CSF2RA: variants seen among roughly 807,000 people sequenced by gnomAD.
The protein encoded by CSF2RA is colony stimulating factor 2 receptor subunit alpha.
CSF2RA carries 42 observed loss-of-function variants against 51.6 expected under a neutral mutation model. That is an observed-to-expected ratio of 0.81 (90% CI 0.64 to 1.05). The LOEUF is 1.05. CSF2RA is among the 50% of genes least tolerant of loss of function. CSF2RA has a pLI of 0.00. For missense variants in CSF2RA, 530 were observed against 501.1 expected, an observed-to-expected ratio of 1.06 and a Z score of -0.55; for synonymous variants, 222 against 193.0, an observed-to-expected ratio of 1.15 and a Z score of -1.24.
At chrX:1,269,591 C>T (rs113739693) in intron 1 of CSF2RA, among the ~76,000 whole-genome samples, 21,814 of 149,168 alleles carry the variant, frequency 0.15, 1,971 homozygotes, top group East Asian at 0.26. Flanking sequence ...CCACTGCACT[C>T]CAGCCTGGGC....
chrX:1,277,466 C>T (rs1212163405), intron 2 of CSF2RA, among the ~76,000 whole-genome samples: 1 of 149,688 alleles, frequency 6.7e-6, no homozygotes, highest in African/African-American at 2.5e-5. Context: ...TGTGGTGGTG[C>T]GTGCCTGTAG....
chrX:1,287,424 T>G (rs1270451477), intron 4 of CSF2RA, among the ~76,000 whole-genome samples: 7 of 150,132 alleles, frequency 4.7e-5, no homozygotes, highest in Non-Finnish European at 4.4e-5. Context: ...AGTGCTGGCA[T>G]TACAGGTGTG....
At chrX:1,296,122 C>A (rs1302055756) in intron 9 of CSF2RA, among the ~76,000 whole-genome samples, 1 of 150,932 alleles carries the variant, frequency 6.6e-6, no homozygotes, top group South Asian at 2.1e-4. Flanking sequence ...CTAGCATAAA[C>A]CTACAGTCCC....
Position 1,301,109 on chromosome X carries a change from C to T in CSF2RA, c.946+483C>T, listed in dbSNP as rs773689215. On this transcript the variant is annotated intron_variant, in intron 10 of 12. Coordinates refer to ENST00000381529, the MANE Select transcript of CSF2RA (RefSeq NM_172245.4). Reference sequence around the variant, plus strand: ...CGGAGGTTGCACTGAGCTGGGATCACGCCATTGCACTCCAGCCTGGGTGAC... The same window carrying T: ...CGGAGGTTGCACTGAGCTGGGATCATGCCATTGCACTCCAGCCTGGGTGAC... Among the ~76,000 whole-genome samples the T allele has an allele frequency of 6.0e-5, 9 of 150,646 alleles. No individual in the cohort carries two copies. The East Asian group carries it at 9.8e-4, about 16-fold the overall frequency.
chrX:1,287,482 CG>C (rs1361128073), intron 4 of CSF2RA, among the ~76,000 whole-genome samples: 1 of 134,334 alleles, frequency 7.4e-6, no homozygotes, highest in African/African-American at 2.8e-5. Flanking sequence ...CTCGCTCTGT[CG>C]CCCAGGCTGG....
In CSF2RA at chrX:1,293,443, C is replaced by A. The variant is rs751923186; in HGVS notation, c.647-885C>A. On this transcript the variant is annotated intron_variant, in intron 7 of 12. Transcript: ENST00000381529. Reference sequence around the variant, plus strand: ...ACCGTGTTAGCCAGGATGGTCTCGACCTCCTGACCTCGTGATCCTCCCGCC... The same window carrying A: ...ACCGTGTTAGCCAGGATGGTCTCGAACTCCTGACCTCGTGATCCTCCCGCC... Among the ~76,000 whole-genome samples the A allele has an allele frequency of 1.5e-3, 229 of 152,218 alleles. 2 individuals are homozygous for A. Among genetic ancestry groups the A allele is most frequent in the African/African-American group, 5.1e-3 (213 of 41,522 alleles).
At chrX:1,293,195 A>C (rs1205888692) in intron 7 of CSF2RA, among the ~76,000 whole-genome samples, 1 of 145,024 alleles carries the variant, frequency 6.9e-6, no homozygotes, top group Non-Finnish European at 1.5e-5. Flanking sequence ...ACACAGTAAC[A>C]GTCTGATCTT....
intron 7 of CSF2RA, among the ~76,000 whole-genome samples, chrX:1,292,643 G>T (rs769307727): frequency 2.1e-4 from 32 of 152,234 alleles, no homozygotes; most frequent in African/African-American, 7.2e-4. Context: ...ACAAACATCA[G>T]TGTAGCAAAG....
chrX:1,289,436 T>A (rs1175338341), intron 6 of CSF2RA, among the ~76,000 whole-genome samples: 1 of 152,170 alleles, frequency 6.6e-6, no homozygotes, highest in Non-Finnish European at 1.5e-5. Context: ...GCCTGTTTTT[T>A]TGGTTGTTGT....
At position 1,290,363 on chromosome X, in the gene CSF2RA, A is replaced by G. The variant is rs761468019; in HGVS notation, c.500A>G (p.Tyr167Cys). ...SKRRREIRCP[Y>C]YIQDSGTHVG... ...AGAAGGAGGGAGATCCGGTGTCCTT[A>G]TTACATACAAGACTCAGGAACCCAT... is the stretch of plus-strand genomic sequence containing the variant. Residue 167 changes from tyrosine (Y) to cysteine (C), a missense_variant, in exon 7 of 13, where the codon TAT (tyrosine) becomes TGT (cysteine). By Grantham distance (194) the Tyr-to-Cys change is radical (BLOSUM62 -2). Coordinates refer to ENST00000381529, the MANE Select transcript of CSF2RA (RefSeq NM_172245.4). 3 of 1,613,462 alleles carry G rather than the reference A, an allele frequency of 1.9e-6. No individual in the cohort carries two copies. In the African/African-American group the frequency reaches 4.0e-5, roughly 22 times the overall value.
chrX:1,271,228 G>A (rs780972920), intron 1 of CSF2RA, among the ~76,000 whole-genome samples: 28,825 of 63,494 alleles, frequency 0.45, 7,699 homozygotes, highest in Middle Eastern at 0.59. Flanking sequence ...CGCGATCTCT[G>A]CTCACCGCAA....
chrX:1,298,267 CCTACA>C (rs2092107913), intron 9 of CSF2RA, among the ~76,000 whole-genome samples: 1 of 11,196 alleles, frequency 8.9e-5, no homozygotes, highest in Non-Finnish European at 1.5e-4. Context: ...CTGGTGGAAC[CCTACA>C]GTCCCCTACT....
chrX:1,304,956 T>C (rs2083409976), intron 11 of CSF2RA, among the ~76,000 whole-genome samples: 1 of 139,330 alleles, frequency 7.2e-6, no homozygotes, highest in South Asian at 2.5e-4. Context: ...TGAGCCACCA[T>C]GCCTGGCCTA....
intron 9 of CSF2RA, among the ~76,000 whole-genome samples, chrX:1,299,828 G>C (rs1235541224): frequency 6.6e-6 from 1 of 152,118 alleles, no homozygotes; most frequent in Non-Finnish European, 1.5e-5. Flanking sequence ...TGAGGCAGGA[G>C]AATGGCGTGA....
chrX:1,316,045 CAGATAGATAGATCAATAGATAGAT>C, the CSF2RA span, among the ~76,000 whole-genome samples: 3 of 58,200 alleles, frequency 5.2e-5, no homozygotes, highest in Non-Finnish European at 1.4e-4. Context: ...GACCAATAGA[CAGATAGATAGATCAATAGATAGAT>C]AGATAGATAG....
chrX:1,291,152 C>G (rs1307894298), intron 7 of CSF2RA, among the ~76,000 whole-genome samples: 3 of 152,062 alleles, frequency 2.0e-5, no homozygotes, highest in Non-Finnish European at 4.4e-5. Flanking sequence ...GAACTCCTGA[C>G]CTCAGATGAT....
At chrX:1,299,235 A>G (rs2092214447) in intron 9 of CSF2RA, among the ~76,000 whole-genome samples, 1 of 152,156 alleles carries the variant, frequency 6.6e-6, no homozygotes. Flanking sequence ...TAAGGAGATT[A>G]TGTCTCCCTC....
downstream of CSF2RA, among the ~76,000 whole-genome samples, chrX:1,313,941 A>G (rs1183752613): frequency 3.9e-5 from 6 of 152,200 alleles, no homozygotes; most frequent in African/African-American, 1.4e-4. Context: ...CAGTGAGCCC[A>G]GATCATGCGA....
In CSF2RA at chrX:1,290,213, TTGTTTTGTGTTTTTG is replaced by T. The variant is rs1403242618; in HGVS notation, c.474-100_474-86del. On this transcript the variant is annotated intron_variant, in intron 6 of 12. Coordinates refer to ENST00000381529, the MANE Select transcript of CSF2RA (RefSeq NM_172245.4). ...TGTGGGTTTTTTTTGTTTTGTGTTT[TTGTTTTGTGTTTTTG>T]TGTTTTGTGTTTTTGTGTTTTGTTT... is the stretch of plus-strand genomic sequence containing the variant. 1.5e-4 allele frequency: 120 copies of T among 804,784 alleles called. 1 individual carries two copies. The Middle Eastern group carries it at 2.2e-3, about 15-fold the overall frequency. The allele number at this position is 804,784 out of a possible 1,614,324, so 49.9% of individuals were successfully genotyped here. A position where few individuals can be genotyped will look rare whatever the true frequency, so the allele number is the denominator to read the frequency against.
Sources: allele counts gnomAD v4.1 joint callset (sites outside exome capture counted in the v4.1 genomes callset), GRCh38; gene constraint gnomAD v4.1.1; transcripts MANE v1.5; gene names NCBI Gene and HGNC (gene_info 2026-07-23, HGNC 2026-07-21).